PRR16: variants seen among roughly 807,000 people sequenced by gnomAD.
PRR16 encodes protein Largen.
Under a neutral mutation model 18.2 loss-of-function variants are expected in PRR16, and 6 were observed. That is an observed-to-expected ratio of 0.33 (90% CI 0.18 to 0.65). The LOEUF is 0.65. Among genes scored for constraint, PRR16 ranks in the 30% least tolerant of loss-of-function variants. PRR16 has a pLI of 0.74. For synonymous variants in PRR16, 151 were observed against 147.8 expected (o/e 1.02, Z -0.16); for missense variants, 412 against 376.6 (o/e 1.09, Z -0.78).
At chr5:120,635,927 G>A (rs1755213117) in intron 1 of PRR16, among the ~76,000 whole-genome samples, 1 of 152,026 alleles carries the variant, frequency 6.6e-6, no homozygotes, top group Non-Finnish European at 1.5e-5. Context: ...AAAGTTTCAG[G>A]ATACAAAATA....
rs1054534266 is a variant in PRR16 at position 120,487,858 on chromosome 5, GC to G, written c.159+23214del. Among the ~76,000 whole-genome samples, 251 of 152,294 alleles carry G rather than the reference GC, an allele frequency of 1.6e-3. 2 individuals are homozygous for G. Among genetic ancestry groups the G allele is most frequent in the African/African-American group, 5.8e-3 (243 of 41,554 alleles). On this transcript the variant is annotated intron_variant, in intron 1 of 1. Coordinates refer to ENST00000407149, the MANE Select transcript of PRR16 (RefSeq NM_001300783.2). The stretch of plus-strand genomic sequence containing the variant: ...ATTTATTGAGAGTTGTTAGCATGAA[GC>G]GTTGTTGAATTTTGTCAAAGGCCTT...
rs968334749 is a variant in PRR16, at chr5:120,502,315, T to C, written c.159+37670T>C. ...AACTTTAGCCAACCAAAAATATTAATTCCTAATTAGTAAAGAACCCCAATA... is the reference window on the plus strand; with the variant it reads ...AACTTTAGCCAACCAAAAATATTAACTCCTAATTAGTAAAGAACCCCAATA... On this transcript the variant is annotated intron_variant, in intron 1 of 1. Coordinates refer to ENST00000407149, the MANE Select transcript of PRR16 (RefSeq NM_001300783.2). 3.3e-5 allele frequency among the ~76,000 whole-genome samples: 5 copies of C among 150,160 alleles called. No homozygotes were observed. In the South Asian group the frequency reaches 8.3e-4, roughly 25 times the overall value.
chr5:120,712,622 GAA>G, the PRR16 span, among the ~76,000 whole-genome samples: 1 of 151,170 alleles, frequency 6.6e-6, no homozygotes, highest in African/African-American at 2.4e-5. Context: ...AATAGTAAAA[GAA>G]AAAAAATCCA....
At chr5:120,659,165 A>T (rs1374621763) in intron 1 of PRR16, among the ~76,000 whole-genome samples, 1 of 152,086 alleles carries the variant, frequency 6.6e-6, no homozygotes. Flanking sequence ...ATAAAAGTTC[A>T]AAGGTGAACC....
the PRR16 span, among the ~76,000 whole-genome samples, chr5:120,767,648 C>G: frequency 1.3e-5 from 2 of 151,842 alleles, no homozygotes; most frequent in African/African-American, 4.8e-5. Flanking sequence ...TATTTCACAA[C>G]AGCCAAATCA....
chr5:120,728,039 GATATA>G, the PRR16 span, among the ~76,000 whole-genome samples: 1 of 151,842 alleles, frequency 6.6e-6, no homozygotes, highest in African/African-American at 2.4e-5. Flanking sequence ...CAGTGTTTGT[GATATA>G]ATATCACATG....
chr5:120,697,929 G>A, the PRR16 span, among the ~76,000 whole-genome samples: 2 of 152,074 alleles, frequency 1.3e-5, no homozygotes, highest in African/African-American at 4.8e-5. Context: ...GGTGGGGCAG[G>A]GCATATTCAC....
intron 1 of PRR16, among the ~76,000 whole-genome samples, chr5:120,681,482 T>C (rs2150154009): frequency 6.6e-6 from 1 of 152,316 alleles, no homozygotes; most frequent in African/African-American, 2.4e-5. Context: ...CTTCACATTT[T>C]TCTTACCCTG....
intron 1 of PRR16, among the ~76,000 whole-genome samples, chr5:120,470,050 A>T (rs1370018350): frequency 1.3e-5 from 2 of 152,210 alleles, no homozygotes; most frequent in Non-Finnish European, 2.9e-5. Context: ...GATCTCAGGT[A>T]CTTAAATCTA....
intron 1 of PRR16, among the ~76,000 whole-genome samples, chr5:120,538,421 A>G (rs1751798947): frequency 6.6e-6 from 1 of 152,338 alleles, no homozygotes; most frequent in East Asian, 1.9e-4. Flanking sequence ...TAGGAACAAC[A>G]GTCATCTATA....
chr5:120,500,750 C>G (rs1414830279), intron 1 of PRR16, among the ~76,000 whole-genome samples: 1 of 152,084 alleles, frequency 6.6e-6, no homozygotes, highest in Admixed American at 6.5e-5. Flanking sequence ...TCCAAACTTT[C>G]AAATTTTACT....
At chr5:120,721,055 ACAT>A in the PRR16 span, among the ~76,000 whole-genome samples, 2 of 152,232 alleles carry the variant, frequency 1.3e-5, no homozygotes, top group East Asian at 1.9e-4. Context: ...AAACTTTTAA[ACAT>A]CATAATTTCT....
At chr5:120,527,190 T>G (rs568975530) in intron 1 of PRR16, among the ~76,000 whole-genome samples, 18 of 152,324 alleles carry the variant, frequency 1.2e-4, no homozygotes, top group African/African-American at 4.3e-4. Context: ...ATCACCAATA[T>G]TTGTATAACA....
At chr5:120,658,598 C>A (rs1228899321) in intron 1 of PRR16, among the ~76,000 whole-genome samples, 1 of 151,808 alleles carries the variant, frequency 6.6e-6, no homozygotes, top group African/African-American at 2.4e-5. Context: ...ATCTCACTGT[C>A]TAGTAGAAGC....
intron 1 of PRR16, among the ~76,000 whole-genome samples, chr5:120,477,155 A>T (rs1399971503): frequency 6.6e-6 from 1 of 152,136 alleles, no homozygotes; most frequent in Non-Finnish European, 1.5e-5. Context: ...TTGGTGTTTT[A>T]TTCAGCCTTG....
intron 1 of PRR16, among the ~76,000 whole-genome samples, chr5:120,503,247 AG>A (rs1256934422): frequency 6.6e-6 from 1 of 152,182 alleles, no homozygotes; most frequent in African/African-American, 2.4e-5. Flanking sequence ...GTGAGGGAAA[AG>A]GAGCAAAATT....
intron 1 of PRR16, among the ~76,000 whole-genome samples, chr5:120,592,173 A>C (rs1055518418): frequency 3.9e-5 from 6 of 152,126 alleles, no homozygotes; most frequent in Non-Finnish European, 8.8e-5. Flanking sequence ...CCCTTCCATA[A>C]ATTTTGCTAA....
At chr5:120,775,019 G>A in the PRR16 span, among the ~76,000 whole-genome samples, 7 of 151,924 alleles carry the variant, frequency 4.6e-5, no homozygotes, top group Non-Finnish European at 1.0e-4. Flanking sequence ...TTGTTTTTCC[G>A]CACATACTCT....
chr5:120,601,086 C>A (rs1364048106), intron 1 of PRR16, among the ~76,000 whole-genome samples: 3 of 151,896 alleles, frequency 2.0e-5, no homozygotes, highest in African/African-American at 7.2e-5. Flanking sequence ...TCAATATATA[C>A]CCCATAATGG....
Sources: gnomAD v4.1 joint callset for allele counts (sites outside exome capture counted in the v4.1 genomes callset) on GRCh38, gnomAD v4.1.1 for gene constraint, MANE v1.5 for transcripts, NCBI Gene and HGNC (gene_info 2026-07-23, HGNC 2026-07-21) for gene names.